Variants in PPP1R15A observed in about 807,000 individuals in gnomAD.
PPP1R15A encodes growth arrest and DNA damage-inducible protein GADD34.
In PPP1R15A, 43 loss-of-function variants were observed where a neutral mutation model predicts 48.5. That is an observed-to-expected ratio of 0.89 (90% confidence interval 0.69 to 1.14). PPP1R15A has a LOEUF of 1.14. Ranked by LOEUF, PPP1R15A falls within the 50% of genes most tolerant of loss-of-function variation. The pLI, the probability that PPP1R15A is intolerant of heterozygous loss-of-function variation, is 0.00. For missense variants in PPP1R15A, 868 were observed against 847.2 expected (o/e 1.02, Z -0.30); for synonymous variants, 327 against 327.4 (o/e 1.00, Z 0.01).
rs767983554 is a variant in PPP1R15A, at chr19:48,874,162, AG to A, written c.931del (p.Glu311ArgfsTer29). 3.7e-6 allele frequency: 6 copies of A among 1,614,124 alleles called. No homozygotes were observed. The South Asian group carries it at 6.6e-5, about 18-fold the overall frequency. ...TGGTGGTGCCAACCCAGTGATGAAG[AG>A]GAGGGTGAGGTCAAGGCTTTGGGGG... ...KSWWCQPSDE[E>X]EGEVKALGAA... On this transcript the variant is annotated frameshift_variant, in exon 2 of 3. Coordinates refer to ENST00000200453, the MANE Select transcript of PPP1R15A (RefSeq NM_014330.5). LOFTEE classifies it high-confidence loss of function.
At position 48,874,408 on chromosome 19, in the gene PPP1R15A, A is replaced by AT. The variant is rs2037052538; in HGVS notation, c.1175_1176insT (p.Gln392HisfsTer12). Reference sequence around the variant, plus strand: ...GTCTTCTTGAAGTCCTGGGTCTATCAGCCAGGAGAGGACACAGAGGAGGAG... The same window carrying AT: ...GTCTTCTTGAAGTCCTGGGTCTATCATGCCAGGAGAGGACACAGAGGAGGAG... On this transcript the variant is annotated frameshift_variant, in exon 2 of 3. Transcript: ENST00000200453. LOFTEE classifies it high-confidence loss of function. 4.3e-6 allele frequency: 7 copies of AT among 1,613,872 alleles called. 1 individual carries two copies. The highest frequency in any genetic ancestry group is 5.9e-6 in the Non-Finnish European group (7 of 1,179,984).
At chr19:48,875,037 G>C in intron 2 of PPP1R15A, 139 bp downstream of exon 2, 3 of 1,086,098 alleles carry the variant, frequency 2.8e-6, no homozygotes, top group Non-Finnish European at 3.7e-6. Flanking sequence ...GGCGATTCTC[G>C]TGCCTCAGCC....
In PPP1R15A at chr19:48,874,656, C is replaced by T. The variant is rs756931461; in HGVS notation, c.1423C>T (p.Gln475Ter). ...ESDPHPSHPD[Q>*]RAHFRGWGYR... is the part of the protein sequence containing the mutation. ...AGACCCACATCCCTCCCACCCGGAC[C>T]AGAGGGCCCACTTCAGGGGCTGGGG... is the stretch of plus-strand genomic sequence containing the variant. The change falls in exon 2 of 3, where the codon CAG (glutamine) becomes TAG (stop). Residue 475 changes from glutamine (Q) to a stop codon, truncating the protein, a stop_gained. Coordinates refer to ENST00000200453, the MANE Select transcript of PPP1R15A (RefSeq NM_014330.5). LOFTEE classifies it high-confidence loss of function. 3 of 1,613,936 alleles carry T rather than the reference C, an allele frequency of 1.9e-6. No individual in the cohort carries two copies. In the South Asian group the frequency reaches 3.3e-5, roughly 18 times the overall value.
Position 48,875,782 on chromosome 19 carries a change from C to T in PPP1R15A, c.1834C>T (p.Arg612Trp), listed in dbSNP as rs1250443145. Residue 612 changes from arginine (R) to tryptophan (W), a missense_variant, in exon 3 of 3, where the codon CGG (arginine) becomes TGG (tryptophan). Arg to Trp is a moderately radical substitution (Grantham distance 101). Transcript: ENST00000200453. ...GAGCCCCTGCCTCACCCCTGCTGCC[C>T]GGGCCAGAGCCTGGGCACGCCTCAG... ...ELSPCLTPAA[R>W]ARAWARLRNP... 2.0e-5 allele frequency: 33 copies of T among 1,613,880 alleles called. No individual in the cohort carries two copies. Among genetic ancestry groups the T allele is most frequent in the Non-Finnish European group, 2.6e-5 (31 of 1,179,842 alleles).
chr19:48,874,612 C>T lies in PPP1R15A; in HGVS notation c.1379C>T (p.Ala460Val), dbSNP rs766132036. The change falls in exon 2 of 3, where the codon GCC (alanine) becomes GTC (valine). Residue 460 changes from alanine to valine, a missense_variant. By Grantham distance (64) the Ala-to-Val change is moderately conservative. Transcript: ENST00000200453. ...SEDKEDDSEA[A>V]LGEAESDPHP... ...GATAAGGAAGATGATTCAGAAGCAG[C>T]CTTGGGAGAAGCTGAGTCAGACCCA... 2 of 1,614,094 alleles carry T rather than the reference C, an allele frequency of 1.2e-6. No individual in the cohort carries two copies. Among genetic ancestry groups the T allele is most frequent in the South Asian group, 1.1e-5 (1 of 91,076 alleles).
rs1188631890 is a variant in PPP1R15A, at chr19:48,875,965, C to T, written c.2017C>T (p.Arg673Cys). 10 of 1,577,660 alleles carry T rather than the reference C, an allele frequency of 6.3e-6. No individual in the cohort carries two copies. Among genetic ancestry groups the T allele is most frequent in the African/African-American group, 1.4e-5 (1 of 73,626 alleles). The stretch of plus-strand genomic sequence containing the variant: ...GGCTGCCCTGGACCTCAGTGGGAGG[C>T]GTGGCTGAGACCAACTGGTTTGCCT... The part of the protein sequence containing the change: ...AAAALDLSGR[R>C]G Residue 673 changes from arginine to cysteine, a missense_variant, in exon 3 of 3, where the codon CGT (arginine) becomes TGT (cysteine). By Grantham distance (180) the Arg-to-Cys change is radical (BLOSUM62 -3). Coordinates refer to ENST00000200453, the MANE Select transcript of PPP1R15A (RefSeq NM_014330.5).
Position 48,874,188 on chromosome 19 carries a change from G to A in PPP1R15A, c.955G>A (p.Ala319Thr). Residue 319 changes from alanine (A) to threonine (T), a missense_variant, in exon 2 of 3, where the codon GCA (alanine) becomes ACA (threonine). Transcript: ENST00000200453. ...GGAGGGTGAGGTCAAGGCTTTGGGGGCAGCTGAGAAGGATGGAGAAGCTGA... is the reference window on the plus strand; with the variant it reads ...GGAGGGTGAGGTCAAGGCTTTGGGGACAGCTGAGAAGGATGGAGAAGCTGA... ...EEEGEVKALG[A>T]AEKDGEAECP... The A allele has an allele frequency of 6.2e-7, 1 of 1,614,224 alleles. No homozygotes were observed. The highest frequency in any genetic ancestry group is 8.5e-7 in the Non-Finnish European group (1 of 1,180,034).
chr19:48,873,534 A>G lies in PPP1R15A; in HGVS notation c.301A>G (p.Ser101Gly), dbSNP rs1264697277. 2 of 1,614,184 alleles carry G rather than the reference A, an allele frequency of 1.2e-6. No homozygotes were observed. Among genetic ancestry groups the G allele is most frequent in the South Asian group, 2.2e-5 (2 of 91,086 alleles). Reference protein sequence around the residue: ...EDRETLGLKTSSSLPEAWGLL... With the variant: ...EDRETLGLKTGSSLPEAWGLL... Reference sequence around the variant, plus strand: ...CAGAGAAACACTGGGGCTGAAAACCAGCAGTTCCCTTCCTGAAGCCTGGGG... The same window carrying G: ...CAGAGAAACACTGGGGCTGAAAACCGGCAGTTCCCTTCCTGAAGCCTGGGG... The change falls in exon 2 of 3, where the codon AGC becomes GGC. Residue 101 changes from serine (S) to glycine (G), a missense_variant. Transcript: ENST00000200453.
rs1568562796 is a variant in PPP1R15A at position 48,873,523 on chromosome 19, G to A, written c.290G>A (p.Gly97Glu). Reference protein sequence around the residue: ...GGPGEDRETLGLKTSSSLPEA... With the variant: ...GGPGEDRETLELKTSSSLPEA... ...CCTGGAGAGGACAGAGAAACACTGG[G>A]GCTGAAAACCAGCAGTTCCCTTCCT... The change falls in exon 2 of 3, where the codon GGG becomes GAG. Residue 97 changes from glycine to glutamate, a missense_variant. Physicochemically the swap from Gly to Glu is moderately conservative, Grantham distance 98. Coordinates refer to ENST00000200453, the MANE Select transcript of PPP1R15A (RefSeq NM_014330.5). 6.2e-7 allele frequency: 1 copy of A among 1,614,204 alleles called. No individual in the cohort carries two copies. Among genetic ancestry groups the A allele is most frequent in the East Asian group, 2.2e-5 (1 of 44,888 alleles).
chr19:48,874,434 G>T lies in PPP1R15A; in HGVS notation c.1201G>T (p.Glu401Ter). 6.2e-7 allele frequency: 1 copy of T among 1,614,138 alleles called. No homozygotes were observed. The highest frequency in any genetic ancestry group is 8.5e-7 in the Non-Finnish European group (1 of 1,180,018). The change falls in exon 2 of 3, where the codon GAA becomes TAA. Residue 401 changes from glutamate to a stop codon, truncating the protein, a stop_gained. Transcript: ENST00000200453. LOFTEE classifies it high-confidence loss of function. ...YQPGEDTEEE[E>*]DEDSDTGSAE... is the part of the protein sequence containing the mutation. ...GCCAGGAGAGGACACAGAGGAGGAGGAAGATGAGGACAGTGATACAGGATC... is the reference window on the plus strand; with the variant it reads ...GCCAGGAGAGGACACAGAGGAGGAGTAAGATGAGGACAGTGATACAGGATC...
At chr19:48,875,037 G>A (rs375239997) in intron 2 of PPP1R15A, 139 bp downstream of exon 2, 5 of 1,086,098 alleles carry the variant, frequency 4.6e-6, no homozygotes, top group East Asian at 2.7e-5. Flanking sequence ...GGCGATTCTC[G>A]TGCCTCAGCC....
At position 48,873,640 on chromosome 19, in the gene PPP1R15A, A is replaced by ATGGCCAGC. The variant is rs1568562850; in HGVS notation, c.408_415dup (p.Arg139LeufsTer12). ...AGAGGGCAGGGAAGTCAATTTGCAG[A>ATGGCCAGC]TGGCCAGCGTGCTCCCCTGTCTCCC... On this transcript the variant is annotated frameshift_variant, in exon 2 of 3. Transcript: ENST00000200453. LOFTEE classifies it high-confidence loss of function. The ATGGCCAGC allele has an allele frequency of 1.9e-6, 3 of 1,614,030 alleles. No individual in the cohort carries two copies. The highest frequency in any genetic ancestry group is 2.5e-6 in the Non-Finnish European group (3 of 1,180,012).
Position 48,872,458 on chromosome 19 carries a change from C to T in PPP1R15A, c.-203C>T, listed in dbSNP as rs769979456. 8 of 456,390 alleles carry T rather than the reference C, an allele frequency of 1.8e-5. No homozygotes were observed. Among genetic ancestry groups the T allele is most frequent in the Non-Finnish European group, 3.1e-5 (7 of 226,814 alleles). 28.3% of individuals were successfully genotyped at this position (456,390 alleles called of 1,614,324 possible). ...TCCCATCCCAGTTGTTGATCTTATG[C>T]AAGACGCTGCACGACCCCGCGCCCG... On this transcript the variant is annotated 5_prime_UTR_variant, in exon 1 of 3. The change creates a premature stop within an existing upstream ORF in the 5' untranslated region. Transcript: ENST00000200453.
At position 48,872,585 on chromosome 19, in the gene PPP1R15A, C is replaced by G. The variant is rs2037020841; in HGVS notation, c.-76C>G. On this transcript the variant is annotated 5_prime_UTR_variant, in exon 1 of 3. Transcript: ENST00000200453. Reference sequence around the variant, plus strand: ...GCGCTGGCCTCCCTAACCGTCCGGACCTGTGATCGCTTCTGGCAGACCGAA... The same window carrying G: ...GCGCTGGCCTCCCTAACCGTCCGGAGCTGTGATCGCTTCTGGCAGACCGAA... 2.3e-6 allele frequency: 1 copy of G among 438,640 alleles called. No individual in the cohort carries two copies. Among genetic ancestry groups the G allele is most frequent in the Non-Finnish European group, 4.7e-6 (1 of 214,346 alleles). The allele number at this position is 438,640 out of a possible 1,614,324, so 27.2% of individuals were successfully genotyped here.
chr19:48,874,382 T>C lies in PPP1R15A; in HGVS notation c.1149T>C (p.Gly383=), dbSNP rs761254605. 1.1e-5 allele frequency: 17 copies of C among 1,613,454 alleles called. 1 individual carries two copies. The highest frequency in any genetic ancestry group is 3.3e-4 in the Middle Eastern group (2 of 6,082). The change falls in exon 2 of 3, where the codon GGT becomes GGC. Residue 383 remains glycine (G), a synonymous_variant. Coordinates refer to ENST00000200453, the MANE Select transcript of PPP1R15A (RefSeq NM_014330.5). ...AEASSSTPAT[G]VFLKSWVYQP... Reference sequence around the variant, plus strand: ...CTTCCTCTTCCACTCCTGCTACAGGTGTCTTCTTGAAGTCCTGGGTCTATC... The same window carrying C: ...CTTCCTCTTCCACTCCTGCTACAGGCGTCTTCTTGAAGTCCTGGGTCTATC...
At position 48,873,248 on chromosome 19, in the gene PPP1R15A, A is replaced by G; in HGVS notation, c.15A>G (p.Gln5=). ...AGCCCAGACACATGGCCCCAGGCCA[A>G]GCACCCCATCAGGCTACCCCGTGGA... is the stretch of plus-strand genomic sequence containing the variant. MAPG[Q]APHQATPWRD... Residue 5 remains glutamine (Q), a synonymous_variant, in exon 2 of 3, where the codon CAA becomes CAG. Coordinates refer to ENST00000200453, the MANE Select transcript of PPP1R15A (RefSeq NM_014330.5). 1 of 1,528,868 alleles carries G rather than the reference A, an allele frequency of 6.5e-7. No homozygotes were observed. Among genetic ancestry groups the G allele is most frequent in the Non-Finnish European group, 8.8e-7 (1 of 1,139,328 alleles). The allele number at this position is 1,528,868 out of a possible 1,614,324, so 94.7% of individuals were successfully genotyped here.
In PPP1R15A at chr19:48,873,326, C is replaced by A; in HGVS notation, c.93C>A (p.Arg31=). 1 of 1,611,170 alleles carries A rather than the reference C, an allele frequency of 6.2e-7. No homozygotes were observed. Among genetic ancestry groups the A allele is most frequent in the Non-Finnish European group, 8.5e-7 (1 of 1,179,058 alleles). Residue 31 remains arginine (R), a synonymous_variant, in exon 2 of 3, where the codon CGC becomes CGA. Coordinates refer to ENST00000200453, the MANE Select transcript of PPP1R15A (RefSeq NM_014330.5). ...LLSPVMGLLS[R]AWSRLRGLGP... ...CCCCAGTGATGGGCCTCCTCAGCCG[C>A]GCCTGGAGCCGCCTGAGGGGCCTGG...
In PPP1R15A at chr19:48,875,766, C is replaced by G; in HGVS notation, c.1818C>G (p.Cys606Trp). ...ITQAQEELSPCLTPAARARAW... is the reference protein window; with the variant it reads ...ITQAQEELSPWLTPAARARAW... Reference sequence around the variant, plus strand: ...AGGCCCAGGAGGAGCTGAGCCCCTGCCTCACCCCTGCTGCCCGGGCCAGAG... The same window carrying G: ...AGGCCCAGGAGGAGCTGAGCCCCTGGCTCACCCCTGCTGCCCGGGCCAGAG... Residue 606 changes from cysteine (C) to tryptophan (W), a missense_variant, in exon 3 of 3, where the codon TGC (cysteine) becomes TGG (tryptophan). By Grantham distance (215) the Cys-to-Trp change is radical. Transcript: ENST00000200453. 2.5e-6 allele frequency: 4 copies of G among 1,613,596 alleles called. No individual in the cohort carries two copies. The highest frequency in any genetic ancestry group is 3.4e-6 in the Non-Finnish European group (4 of 1,179,606).
rs375792716 is a variant in PPP1R15A at position 48,874,258 on chromosome 19, G to A, written c.1025G>A (p.Trp342Ter). The change falls in exon 2 of 3, where the codon TGG (tryptophan) becomes TAG (stop). Residue 342 changes from tryptophan to a stop codon, truncating the protein, a stop_gained. Coordinates refer to ENST00000200453, the MANE Select transcript of PPP1R15A (RefSeq NM_014330.5). LOFTEE classifies it high-confidence loss of function. ...IPPPSAFLKAWVYWPGEDTEE... is the reference protein window; with the variant it reads ...IPPPSAFLKA ...CCACCAAGTGCCTTCCTGAAGGCCT[G>A]GGTGTATTGGCCAGGAGAGGACACA... The A allele has an allele frequency of 1.1e-5, 17 of 1,614,078 alleles. No individual in the cohort carries two copies. The African/African-American group carries it at 2.1e-4, about 20-fold the overall frequency.
Sources: allele counts gnomAD v4.1 joint callset, GRCh38; gene constraint gnomAD v4.1.1; transcripts MANE v1.5; gene names NCBI Gene and HGNC (gene_info 2026-07-23, HGNC 2026-07-21).